The following CLPTM1 variants were observed in gnomAD, a reference collection of about 807,000 sequenced individuals.
CLPTM1 encodes CLPTM1 regulator of GABA type A receptor forward trafficking.
In CLPTM1, 21 loss-of-function variants were observed where a neutral mutation model predicts 77.3. That is an observed-to-expected ratio of 0.27 (90% CI 0.19 to 0.39). The LOEUF is 0.39. CLPTM1 is among the 10% of genes least tolerant of loss of function. The probability of loss-of-function intolerance (pLI) is 1.00; values close to 1 mark genes in which losing one functional copy is unlikely to be tolerated. For missense variants in CLPTM1, 642 were observed against 921.2 expected (o/e 0.70, Z 3.92); for synonymous variants, 373 against 381.0 (o/e 0.98, Z 0.24).
intron 7 of CLPTM1, 109 bp downstream of exon 7, chr19:44,986,684 T>C: frequency 2.9e-6 from 4 of 1,392,864 alleles, no homozygotes; most frequent in Non-Finnish European, 3.9e-6. Context: ...TTTCCAGGGC[T>C]CCACCCTCCC....
intron 5 of CLPTM1, 58 bp from the exon 6 acceptor site, chr19:44,985,159 TG>T: frequency 7.7e-7 from 1 of 1,293,948 alleles, no homozygotes; most frequent in Non-Finnish European, 1.1e-6. Flanking sequence ...GTCCGGGCTC[TG>T]GAGGCTGCAG....
Position 44,977,438 on chromosome 19 carries a change from T to C in CLPTM1, c.564T>C (p.Leu188=). 1 of 1,607,588 alleles carries C rather than the reference T, an allele frequency of 6.2e-7. No individual in the cohort carries two copies. The highest frequency in any genetic ancestry group is 8.5e-7 in the Non-Finnish European group (1 of 1,179,708). ...GGCAGAAGGCCCTGTACCGCCGGCT[T>C]GCCACAGTCCACATGTCCCGGAGTA... The part of the protein sequence containing the change: ...DPRQKALYRR[L]ATVHMSRMIN... The change falls in exon 5 of 14, where the codon CTT becomes CTC. Residue 188 remains leucine, a synonymous_variant. Transcript: ENST00000337392.
Position 44,985,295 on chromosome 19 carries a change from A to G in CLPTM1, c.664A>G (p.Met222Val). 6.2e-7 allele frequency: 1 copy of G among 1,612,016 alleles called. No individual in the cohort carries two copies. The highest frequency in any genetic ancestry group is 8.5e-7 in the Non-Finnish European group (1 of 1,178,212). The change falls in exon 6 of 14, where the codon ATG becomes GTG. Residue 222 changes from methionine to valine, a missense_variant. Met to Val is a conservative substitution (Grantham distance 21, BLOSUM62 1). Transcript: ENST00000337392. ...LTGETEADPE[M>V]IKRAEDYGPV... ...AGGAGAGACAGAAGCGGACCCAGAA[A>G]TGATCAAGGTAAATGGGCAGGGTTG...
In CLPTM1 at chr19:44,988,106, C is replaced by T. The variant is rs1568389478; in HGVS notation, c.1065C>T (p.Tyr355=). 1.2e-6 allele frequency: 2 copies of T among 1,614,014 alleles called. No individual in the cohort carries two copies. The highest frequency in any genetic ancestry group is 1.7e-5 in the Admixed American group (1 of 60,004). The stretch of plus-strand genomic sequence containing the variant: ...TGGCCCTGCTGGAGACCAACCCCTA[C>T]CTGCTGGCGCTCACCATCATCGTGT... ...VKVALLETNP[Y]LLALTIIVSI... The change falls in exon 9 of 14, where the codon TAC becomes TAT. Residue 355 remains tyrosine, a synonymous_variant. Transcript: ENST00000337392.
chr19:44,963,069 G>A (rs571304910), intron 2 of CLPTM1, among the ~76,000 whole-genome samples: 9 of 150,684 alleles, frequency 6.0e-5, no homozygotes, highest in East Asian at 4.0e-4. Flanking sequence ...TTAGCTGGGT[G>A]TGGTGGCACG....
At position 44,991,260 on chromosome 19, in the gene CLPTM1, G is replaced by A; in HGVS notation, c.1442G>A (p.Trp481Ter). Residue 481 changes from tryptophan (W) to a stop codon, truncating the protein, a stop_gained, in exon 12 of 14, where the codon TGG becomes TAG. Transcript: ENST00000337392. LOFTEE classifies it high-confidence loss of function. This position sits in a 1 kb window ranked among gnomAD's most constrained non-coding sequence, Gnocchi z 5.4. ...YDDMAFRYLS[W>*]ILFPLLGCYA... ...CAGATGGCATTCCGGTACCTGTCCT[G>A]GATCCTCTTCCCGCTCCTGGGCTGC... 1 of 1,614,056 alleles carries A rather than the reference G, an allele frequency of 6.2e-7. No individual in the cohort carries two copies. Among genetic ancestry groups the A allele is most frequent in the Non-Finnish European group, 8.5e-7 (1 of 1,179,966 alleles).
chr19:44,954,975 C>G, upstream of CLPTM1: 1 of 1,535,132 alleles, frequency 6.5e-7, no homozygotes, highest in Non-Finnish European at 8.7e-7. Context: ...GGGCGTGGTT[C>G]GAAGCCGTAC....
chr19:44,970,955 C>T (rs1218918953), intron 2 of CLPTM1, among the ~76,000 whole-genome samples: 4 of 145,786 alleles, frequency 2.7e-5, no homozygotes, highest in Non-Finnish European at 4.5e-5. Flanking sequence ...CCCAGCTTCC[C>T]GAATAGCTGG....
At chr19:44,975,556 T>G (rs1394241218) in intron 4 of CLPTM1, among the ~76,000 whole-genome samples, 1 of 150,128 alleles carries the variant, frequency 6.7e-6, no homozygotes, top group East Asian at 1.9e-4. Flanking sequence ...TCATTCTGGT[T>G]TTTTTTTTTG....
intron 3 of CLPTM1, among the ~76,000 whole-genome samples, chr19:44,973,974 C>G (rs57465754): frequency 0.3 from 45,394 of 149,958 alleles, 7,818 homozygotes; most frequent in African/African-American, 0.46. Context: ...CTTTTTGGTA[C>G]GCTGGTCTCG....
intron 5 of CLPTM1, among the ~76,000 whole-genome samples, chr19:44,983,318 C>T (rs2122312601): frequency 6.6e-6 from 1 of 152,080 alleles, no homozygotes; most frequent in South Asian, 2.1e-4. Context: ...TCCTTCATAG[C>T]ATAAGGAAGA....
intron 5 of CLPTM1, among the ~76,000 whole-genome samples, chr19:44,979,136 C>T (rs765598494): frequency 2.0e-5 from 3 of 152,162 alleles, no homozygotes; most frequent in Admixed American, 1.3e-4. Flanking sequence ...CACGCCACTA[C>T]GCCCGGCTAG....
intron 3 of CLPTM1, 117 bp downstream of exon 3, chr19:44,973,327 GA>G: frequency 7.1e-7 from 1 of 1,405,514 alleles, no homozygotes; most frequent in East Asian, 2.4e-5. Context: ...GCAGGTCTAG[GA>G]AAACAGGTCC....
At chr19:44,967,875 C>T (rs902877696) in intron 2 of CLPTM1, among the ~76,000 whole-genome samples, 1 of 152,166 alleles carries the variant, frequency 6.6e-6, no homozygotes, top group Non-Finnish European at 1.5e-5. Context: ...GCGCCCCTGT[C>T]CCTTACCGTC....
intron 5 of CLPTM1, among the ~76,000 whole-genome samples, chr19:44,983,617 C>CAAAAAAAAAAAA (rs35582067): frequency 4.4e-3 from 176 of 39,832 alleles, no homozygotes; most frequent in African/African-American, 6.8e-3. Context: ...GACTCTGTCT[C>CAAAAAAAAAAAA]AAAAAAAAAA....
chr19:44,984,094 C>T (rs568776406), intron 5 of CLPTM1, among the ~76,000 whole-genome samples: 7 of 152,358 alleles, frequency 4.6e-5, no homozygotes, highest in African/African-American at 1.2e-4. Flanking sequence ...TGGGCCTCTG[C>T]GAGAGGAAGT....
At chr19:44,979,249 G>A (rs962330863) in intron 5 of CLPTM1, among the ~76,000 whole-genome samples, 14 of 152,144 alleles carry the variant, frequency 9.2e-5, no homozygotes, top group African/African-American at 3.1e-4. Context: ...AAAGTGCTGG[G>A]ATTACAGGTG....
intron 2 of CLPTM1, among the ~76,000 whole-genome samples, chr19:44,966,790 C>T (rs1970636540): frequency 1.3e-5 from 2 of 150,798 alleles, no homozygotes; most frequent in South Asian, 4.2e-4. Context: ...TGTTGTTCAA[C>T]GTGGAAAAAA....
intron 1 of CLPTM1, among the ~76,000 whole-genome samples, chr19:44,956,680 TC>T (rs1003415730): frequency 1.3e-4 from 20 of 152,268 alleles, no homozygotes; most frequent in African/African-American, 4.8e-4. Context: ...GGAGGTCGTT[TC>T]CCCTCTGGGT....
Sources: allele counts gnomAD v4.1 joint callset (sites outside exome capture counted in the v4.1 genomes callset), GRCh38; gene constraint gnomAD v4.1.1; non-coding constraint Gnocchi (gnomAD v3.1); transcripts MANE v1.5; gene names NCBI Gene and HGNC (gene_info 2026-07-23, HGNC 2026-07-21).